The following ADGRL2 variants were observed in gnomAD, a reference collection of about 807,000 sequenced individuals.
ADGRL2 encodes adhesion G protein-coupled receptor L2.
Under a neutral mutation model 157.4 loss-of-function variants are expected in ADGRL2, and 44 were observed. The observed-to-expected ratio is 0.28, with a 90% CI of 0.22 to 0.36. The LOEUF is 0.36. Among genes scored for constraint, ADGRL2 ranks in the 10% least tolerant of loss-of-function variants. The pLI is 1.00. For synonymous variants in ADGRL2, 585 were observed against 624.7 expected, an observed-to-expected ratio of 0.94 and a Z score of 0.95; for missense variants, 1,510 against 1,768.9, an observed-to-expected ratio of 0.85 and a Z score of 2.63.
At chr1:81,819,598 T>C (rs929950418) in intron 1 of ADGRL2, among the ~76,000 whole-genome samples, 1 of 152,200 alleles carries the variant, frequency 6.6e-6, no homozygotes, top group Admixed American at 6.5e-5. Flanking sequence ...AATACTCACA[T>C]AAAGTGAAAA....
chr1:81,828,717 C>A lies in ADGRL2; in HGVS notation c.-100-8168C>A, dbSNP rs556346746. The stretch of plus-strand genomic sequence containing the variant: ...GTTGAAAAAGCTCTTTTCTAAAAAC[C>A]ACATACCTCTCCTACTCCATGTTTG... On this transcript the variant is annotated intron_variant, in intron 1 of 23. Transcript: ENST00000686636. Among the ~76,000 whole-genome samples, 5 of 151,932 alleles carry A rather than the reference C, an allele frequency of 3.3e-5. No individual in the cohort carries two copies. The South Asian group carries it at 1.0e-3, about 32-fold the overall frequency.
chr1:81,686,852 T>C (rs1221272794), intron 3 of ADGRL2, among the ~76,000 whole-genome samples: 2 of 152,168 alleles, frequency 1.3e-5, no homozygotes, highest in African/African-American at 2.4e-5. Flanking sequence ...GTCATTCAGT[T>C]TGAATAATTT....
chr1:81,347,251 A>G (rs879876105), intron 1 of ADGRL2, among the ~76,000 whole-genome samples: 2 of 152,106 alleles, frequency 1.3e-5, no homozygotes, highest in East Asian at 3.9e-4. Flanking sequence ...AACACAAAAA[A>G]ATAGCCAGGT....
intron 1 of ADGRL2, chr1:81,427,611 G>A (rs12750706): frequency 1 from 672,667 of 674,066 alleles, 335,645 homozygotes; most frequent in East Asian, 1. Flanking sequence ...AGAAGGTTTT[G>A]AAAACAGCAG....
At chr1:81,967,906 A>T in intron 13 of ADGRL2, 120 bp from the exon 14 acceptor site, 1 of 821,354 alleles carries the variant, frequency 1.2e-6, no homozygotes, top group Non-Finnish European at 1.9e-6. Context: ...GCTGATGAAA[A>T]ACTTTATAGT....
At chr1:81,411,431 G>A (rs970758465) in intron 1 of ADGRL2, among the ~76,000 whole-genome samples, 1 of 152,102 alleles carries the variant, frequency 6.6e-6, no homozygotes, top group Non-Finnish European at 1.5e-5. Context: ...GCCCCATGAG[G>A]GAGATATTGG....
intron 1 of ADGRL2, among the ~76,000 whole-genome samples, chr1:81,752,359 T>C (rs1400306258): frequency 6.6e-6 from 1 of 152,200 alleles, no homozygotes; most frequent in African/African-American, 2.4e-5. Context: ...GCAGCCCAAA[T>C]AGATTAAGAC....
intron 2 of ADGRL2, among the ~76,000 whole-genome samples, chr1:81,566,429 A>T (rs969145741): frequency 2.0e-5 from 3 of 152,178 alleles, no homozygotes; most frequent in African/African-American, 4.8e-5. Context: ...TTATACTTGA[A>T]TAATGTGGTT....
At chr1:81,691,878 G>GTA (rs755115574) in intron 3 of ADGRL2, among the ~76,000 whole-genome samples, 4,418 of 122,436 alleles carry the variant, frequency 0.036, 213 homozygotes, top group Middle Eastern at 0.073. Context: ...GTGTGTGTGT[G>GTA]TGTATATATA....
intron 1 of ADGRL2, among the ~76,000 whole-genome samples, chr1:81,745,934 G>C (rs895725524): frequency 6.6e-6 from 1 of 152,042 alleles, no homozygotes; most frequent in Non-Finnish European, 1.5e-5. Context: ...AGTATTGCTA[G>C]GCTTGTCAAT....
intron 2 of ADGRL2, among the ~76,000 whole-genome samples, chr1:81,480,666 G>A (rs182214614): frequency 6.6e-6 from 1 of 152,096 alleles, no homozygotes; most frequent in Admixed American, 6.5e-5. Context: ...ATTTTCATAT[G>A]AGCTAGCATT....
chr1:81,846,191 A>T (rs2092779806), intron 2 of ADGRL2, among the ~76,000 whole-genome samples: 1 of 151,836 alleles, frequency 6.6e-6, no homozygotes, highest in African/African-American at 2.4e-5. Flanking sequence ...ATGATGGATG[A>T]TAGTTGAAAA....
At chr1:81,331,551 T>C (rs1247027703) in intron 1 of ADGRL2, among the ~76,000 whole-genome samples, 1 of 152,168 alleles carries the variant, frequency 6.6e-6, no homozygotes, top group Non-Finnish European at 1.5e-5. Flanking sequence ...TAGCTATATA[T>C]AAATAATAAA....
intron 1 of ADGRL2, among the ~76,000 whole-genome samples, chr1:81,714,085 C>T (rs955063346): frequency 3.9e-5 from 6 of 152,094 alleles, no homozygotes; most frequent in South Asian, 2.1e-4. Context: ...TTCACTATCA[C>T]GAGAACAGCA....
At chr1:81,824,130 G>A (rs1305716181) in intron 1 of ADGRL2, among the ~76,000 whole-genome samples, 1 of 151,996 alleles carries the variant, frequency 6.6e-6, no homozygotes, top group Admixed American at 6.6e-5. Flanking sequence ...TGTCATTTCT[G>A]TATCTTCTGA....
intron 3 of ADGRL2, among the ~76,000 whole-genome samples, chr1:81,608,005 C>G (rs966753287): frequency 2.0e-5 from 3 of 152,140 alleles, no homozygotes; most frequent in Non-Finnish European, 4.4e-5. Flanking sequence ...CATAATATTT[C>G]TCTGAGGGCC....
intron 3 of ADGRL2, among the ~76,000 whole-genome samples, chr1:81,595,361 T>C (rs1037855284): frequency 1.3e-5 from 2 of 152,200 alleles, no homozygotes; most frequent in African/African-American, 2.4e-5. Context: ...ATTTAGAGAA[T>C]TGAAAGATTG....
chr1:81,606,790 G>A (rs1458108990), intron 3 of ADGRL2, among the ~76,000 whole-genome samples: 1 of 151,346 alleles, frequency 6.6e-6, no homozygotes, highest in African/African-American at 2.4e-5. Flanking sequence ...GCGTGTGTGT[G>A]TGTTTATGGC....
At chr1:81,727,592 C>T (rs993253980) in intron 1 of ADGRL2, among the ~76,000 whole-genome samples, 1 of 152,004 alleles carries the variant, frequency 6.6e-6, no homozygotes, top group African/African-American at 2.4e-5. Context: ...GCCACCATAC[C>T]CAGCTAATTT....
Sources: gnomAD v4.1 joint callset for allele counts (sites outside exome capture counted in the v4.1 genomes callset) on GRCh38, gnomAD v4.1.1 for gene constraint, MANE v1.5 for transcripts, NCBI Gene and HGNC (gene_info 2026-07-23, HGNC 2026-07-21) for gene names.